FBXL7: variants seen among roughly 807,000 people sequenced by gnomAD.
FBXL7 encodes the protein F-box/LRR-repeat protein 7.
A neutral mutation model predicts 38.3 loss-of-function variants in FBXL7; 12 were observed. That is an observed-to-expected ratio of 0.31 (90% confidence interval 0.20 to 0.51). The LOEUF is 0.51. Among genes scored for constraint, FBXL7 ranks in the 20% least tolerant of loss-of-function variants. The pLI is 0.98. For synonymous variants in FBXL7, 297 were observed against 300.9 expected, an observed-to-expected ratio of 0.99 and a Z score of 0.13; for missense variants, 567 against 676.4, an observed-to-expected ratio of 0.84 and a Z score of 1.79.
intron 2 of FBXL7, among the ~76,000 whole-genome samples, chr5:15,882,622 T>TA (rs1403360799): frequency 3.3e-5 from 5 of 152,214 alleles, no homozygotes; most frequent in African/African-American, 1.2e-4. Context: ...CAGAAATACA[T>TA]CTGTGCTCTG....
chr5:15,751,184 A>G (rs1259978031), intron 2 of FBXL7, among the ~76,000 whole-genome samples: 3 of 152,168 alleles, frequency 2.0e-5, no homozygotes, highest in South Asian at 2.1e-4. Flanking sequence ...TAATTGGGCT[A>G]TCATAATTGT....
At chr5:15,706,410 G>A (rs1350453674) in intron 2 of FBXL7, among the ~76,000 whole-genome samples, 6 of 152,234 alleles carry the variant, frequency 3.9e-5, no homozygotes, top group African/African-American at 9.6e-5. Flanking sequence ...GCTGAGCAAC[G>A]TCAGTGCTAT....
rs967804 is a variant in FBXL7 at position 15,597,696 on chromosome 5, G to A, written c.38-18287G>A. Among the ~76,000 whole-genome samples the A allele has an allele frequency of 2.1e-3, 321 of 152,234 alleles. 6 individuals are homozygous for A. The highest frequency in any genetic ancestry group is 0.02 in the Admixed American group (302 of 15,284). On this transcript the variant is annotated intron_variant, in intron 1 of 3. Coordinates refer to ENST00000504595, the MANE Select transcript of FBXL7 (RefSeq NM_012304.5). ...TTCCTTTAGACTAGAGGGAAAAGTA[G>A]TTCGAATGTTCCCTTCACCTTTATG... is the stretch of plus-strand genomic sequence containing the variant.
Position 15,928,965 on chromosome 5 carries a change from T to C in FBXL7, c.739+464T>C, listed in dbSNP as rs1182323337. Among the ~76,000 whole-genome samples, 2 of 152,170 alleles carry C rather than the reference T, an allele frequency of 1.3e-5. No homozygotes were observed. Among genetic ancestry groups the C allele is most frequent in the African/African-American group, 4.8e-5 (2 of 41,450 alleles). ...ACAGTTACTTCAGAGCAACCATAGA[T>C]AGTGCAAACAGGGTATCTAAGTGTA... On this transcript the variant is annotated intron_variant, in intron 3 of 3. Coordinates refer to ENST00000504595, the MANE Select transcript of FBXL7 (RefSeq NM_012304.5). The surrounding 1 kb of genome is among the most constrained non-coding windows in gnomAD (Gnocchi z 4.0).
chr5:15,881,601 C>T (rs1740454731), intron 2 of FBXL7, among the ~76,000 whole-genome samples: 1 of 152,172 alleles, frequency 6.6e-6, no homozygotes, highest in Non-Finnish European at 1.5e-5. Context: ...GGAATCTCCA[C>T]ACTTTTTTTC....
chr5:15,677,376 A>G (rs1467217115), intron 2 of FBXL7, among the ~76,000 whole-genome samples: 1 of 152,264 alleles, frequency 6.6e-6, no homozygotes, highest in African/African-American at 2.4e-5. Context: ...CTGAGGCAGG[A>G]TAATTGCTCG....
intron 2 of FBXL7, among the ~76,000 whole-genome samples, chr5:15,750,006 G>A (rs1736114178): frequency 6.6e-6 from 1 of 152,156 alleles, no homozygotes. Context: ...TTTGTTTGAG[G>A]CACAACCTGC....
chr5:15,570,370 A>C (rs968168337), intron 1 of FBXL7, among the ~76,000 whole-genome samples: 1 of 152,062 alleles, frequency 6.6e-6, no homozygotes, highest in East Asian at 1.9e-4. Context: ...TTTCTAGTTT[A>C]TTTGCATAGA....
At chr5:15,877,457 T>C (rs1378470254) in intron 2 of FBXL7, among the ~76,000 whole-genome samples, 2 of 152,218 alleles carry the variant, frequency 1.3e-5, no homozygotes, top group African/African-American at 4.8e-5. Context: ...TTAATCGTAT[T>C]TCAATTCCAT....
At chr5:15,804,677 C>G (rs1405264425) in intron 2 of FBXL7, among the ~76,000 whole-genome samples, 1 of 152,102 alleles carries the variant, frequency 6.6e-6, no homozygotes, top group Non-Finnish European at 1.5e-5. Context: ...AGCATTGTAT[C>G]CTGAGCTCTG....
chr5:15,530,032 A>G (rs763458438), intron 1 of FBXL7, among the ~76,000 whole-genome samples: 17 of 152,168 alleles, frequency 1.1e-4, no homozygotes, highest in Non-Finnish European at 2.4e-4. Flanking sequence ...AGTGTTTGGA[A>G]CTGTAGCAGG....
intron 2 of FBXL7, among the ~76,000 whole-genome samples, chr5:15,843,926 G>A (rs574289372): frequency 6.2e-4 from 94 of 150,982 alleles, no homozygotes; most frequent in Non-Finnish European, 1.2e-3. Context: ...AGAATATATA[G>A]TTTCTAAATA....
chr5:15,914,861 T>C (rs1408179541), intron 2 of FBXL7, among the ~76,000 whole-genome samples: 2 of 152,240 alleles, frequency 1.3e-5, no homozygotes, highest in Non-Finnish European at 2.9e-5. Flanking sequence ...AGGCATCTCC[T>C]GGCCTCGAAG....
At chr5:15,892,433 C>T (rs888925381) in intron 2 of FBXL7, among the ~76,000 whole-genome samples, 6 of 152,090 alleles carry the variant, frequency 3.9e-5, no homozygotes, top group Admixed American at 3.9e-4. Flanking sequence ...AAGACAGATC[C>T]TCAGGGGTCT....
intron 2 of FBXL7, among the ~76,000 whole-genome samples, chr5:15,641,049 G>T (rs994530674): frequency 3.9e-5 from 6 of 152,184 alleles, no homozygotes; most frequent in African/African-American, 1.4e-4. Flanking sequence ...TGAGTTTCTT[G>T]TGGCCTGAGC....
chr5:15,663,324 T>C (rs1286938704), intron 2 of FBXL7, among the ~76,000 whole-genome samples: 1 of 152,184 alleles, frequency 6.6e-6, no homozygotes, highest in African/African-American at 2.4e-5. Context: ...TGTATAGGAA[T>C]GCTAGTGATT....
At chr5:15,549,094 G>A (rs1350476697) in intron 1 of FBXL7, among the ~76,000 whole-genome samples, 1 of 152,186 alleles carries the variant, frequency 6.6e-6, no homozygotes, top group Non-Finnish European at 1.5e-5. Flanking sequence ...ACCAAAAAGG[G>A]GAGGCAGGTT....
rs770770352 is a variant in FBXL7, at chr5:15,927,908, G to A, written c.146G>A (p.Arg49His). Residue 49 changes from arginine (R) to histidine (H), a missense_variant, in exon 3 of 4, where the codon CGC (arginine) becomes CAC (histidine). By Grantham distance (29) the Arg-to-His change is conservative (BLOSUM62 0). Coordinates refer to ENST00000504595, the MANE Select transcript of FBXL7 (RefSeq NM_012304.5). ...ATSEDSDLSM[R>H]TLSTPSPALI... ...TTGCCAGACTCCGACCTGAGCATGC[G>A]CACACTGAGCACGCCCAGCCCAGCC... 1.3e-6 allele frequency: 2 copies of A among 1,530,374 alleles called. No individual in the cohort carries two copies. The highest frequency in any genetic ancestry group is 1.8e-6 in the Non-Finnish European group (2 of 1,138,682). The allele number at this position is 1,530,374 out of a possible 1,614,324, so 94.8% of individuals were successfully genotyped here. A position where few individuals can be genotyped will look rare whatever the true frequency, so the allele number is the denominator to read the frequency against.
intron 2 of FBXL7, among the ~76,000 whole-genome samples, chr5:15,691,802 C>T (rs1185351858): frequency 6.6e-6 from 1 of 152,148 alleles, no homozygotes; most frequent in African/African-American, 2.4e-5. Context: ...ATTTCATCAT[C>T]TTCTGAGATG....
Sources: gnomAD v4.1 joint callset for allele counts (sites outside exome capture counted in the v4.1 genomes callset) on GRCh38, gnomAD v4.1.1 for gene constraint, Gnocchi (gnomAD v3.1) non-coding constraint, MANE v1.5 for transcripts, NCBI Gene and HGNC (gene_info 2026-07-23, HGNC 2026-07-21) for gene names.